The following LMTK3 variants were observed in gnomAD, a reference collection of about 807,000 sequenced individuals.
LMTK3 encodes the protein serine/threonine-protein kinase LMTK3.
In LMTK3, 27 loss-of-function variants were observed where a neutral mutation model predicts 116.7. That is an observed-to-expected ratio of 0.23 (90% confidence interval 0.17 to 0.32). The LOEUF (loss-of-function observed/expected upper bound fraction) is 0.32, where lower values mean the gene tolerates loss of function less well. Among genes scored for constraint, LMTK3 ranks in the 10% least tolerant of loss-of-function variants. The pLI is 1.00. For synonymous variants in LMTK3, 965 were observed against 971.0 expected, an observed-to-expected ratio of 0.99 and a Z score of 0.11; for missense variants, 1,764 against 2,068.5, an observed-to-expected ratio of 0.85 and a Z score of 2.86.
In LMTK3 at chr19:48,500,015, C is replaced by A; in HGVS notation, c.1152-98G>T. 1 of 1,230,968 alleles carries A rather than the reference C, an allele frequency of 8.1e-7. No individual in the cohort carries two copies. Among genetic ancestry groups the A allele is most frequent in the Non-Finnish European group, 1.1e-6 (1 of 903,442 alleles). 76.3% of individuals were successfully genotyped at this position (1,230,968 alleles called of 1,614,324 possible). ...CAACCAGAGAGAGGGGGACAGAGAC[C>A]CAGAGGGTAACAGAGACCCAGAGAG... On this transcript the variant is annotated intron_variant, in intron 10 of 14. Transcript: ENST00000600059. This position sits in a 1 kb window ranked among gnomAD's most constrained non-coding sequence, Gnocchi z 4.0.
Position 48,500,063 on chromosome 19 carries a change from A to C in LMTK3, c.1152-146T>G. ...GAGAGGGGGACAGAGACCCAGAGAG[A>C]GGGGGACAGAGACCCAGAGACAGAG... On this transcript the variant is annotated intron_variant, in intron 10 of 14. Coordinates refer to ENST00000600059, the MANE Select transcript of LMTK3 (RefSeq NM_001388485.1). This position sits in a 1 kb window ranked among gnomAD's most constrained non-coding sequence, Gnocchi z 4.0. 1 of 700,638 alleles carries C rather than the reference A, an allele frequency of 1.4e-6. No homozygotes were observed. The highest frequency in any genetic ancestry group is 2.0e-5 in the South Asian group (1 of 50,186). 43.4% of individuals were successfully genotyped at this position (700,638 alleles called of 1,614,324 possible).
intron 5 of LMTK3, among the ~76,000 whole-genome samples, chr19:48,505,124 T>TA: frequency 7.2e-6 from 1 of 138,936 alleles, no homozygotes; most frequent in Non-Finnish European, 1.6e-5. Context: ...TTTTTTTTTT[T>TA]TTTTTATGAG....
At chr19:48,486,551 G>A (rs1278307023) in intron 14 of LMTK3, among the ~76,000 whole-genome samples, 13 of 151,788 alleles carry the variant, frequency 8.6e-5, no homozygotes, top group African/African-American at 3.1e-4. Flanking sequence ...TTGCTGCTTT[G>A]TTTTGAGATG....
intron 14 of LMTK3, among the ~76,000 whole-genome samples, chr19:48,489,797 T>A (rs1320965406): frequency 6.6e-6 from 1 of 152,210 alleles, no homozygotes; most frequent in Non-Finnish European, 1.5e-5. Flanking sequence ...GGACAATATC[T>A]GGACTCAGGC....
chr19:48,504,840 G>A lies in LMTK3; in HGVS notation c.558-1844C>T. Among the ~76,000 whole-genome samples the A allele has an allele frequency of 2.0e-5, 3 of 151,814 alleles. 1 individual carries two copies. The East Asian group carries it at 5.8e-4, about 30-fold the overall frequency. Reference sequence around the variant, plus strand: ...TGGGATTACAGGCATGAGCCACCGTGCCCAGGCTTCACCCTGCATTCTAAA... The same window carrying A: ...TGGGATTACAGGCATGAGCCACCGTACCCAGGCTTCACCCTGCATTCTAAA... On this transcript the variant is annotated intron_variant, in intron 5 of 14. Transcript: ENST00000600059.
In LMTK3 at chr19:48,489,543, G is replaced by A. The variant is rs544910049; in HGVS notation, c.4366+1565C>T. The stretch of plus-strand genomic sequence containing the variant: ...AGCCGAGATCACACCATTGCACTTC[G>A]GCTTGGGCGACGAGCAAAACTCCGT... On this transcript the variant is annotated intron_variant, in intron 14 of 14. Coordinates refer to ENST00000600059, the MANE Select transcript of LMTK3 (RefSeq NM_001388485.1). Among the ~76,000 whole-genome samples the A allele has an allele frequency of 1.1e-4, 16 of 152,230 alleles. No homozygotes were observed. In the South Asian group the frequency reaches 2.5e-3, roughly 24 times the overall value.
At chr19:48,502,194 T>C (rs10409417) in intron 7 of LMTK3, among the ~76,000 whole-genome samples, 12,529 of 133,176 alleles carry the variant, frequency 0.094, 1,159 homozygotes, top group African/African-American at 0.23. Context: ...CTGACCCCTT[T>C]TCCTCTCCTG....
Position 48,497,558 on chromosome 19 carries a change from C to G in LMTK3, c.3511G>C (p.Glu1171Gln), listed in dbSNP as rs1972350901. The change falls in exon 11 of 15, where the codon GAG (glutamate) becomes CAG (glutamine). Residue 1171 changes from glutamate (E) to glutamine (Q), a missense_variant. Glu to Gln is a conservative substitution (Grantham distance 29, BLOSUM62 2). Transcript: ENST00000600059. The surrounding 1 kb of genome is among the most constrained non-coding windows in gnomAD (Gnocchi z 5.7). ...CCGGGCTCTCCCTCGGGGGCCACCT[C>G]CGGCCTGGCTCTCGGGGGCGCTGGC... ...LEPAPPRARP[E>Q]VAPEGEPGAP... 1 of 1,363,366 alleles carries G rather than the reference C, an allele frequency of 7.3e-7. No individual in the cohort carries two copies. Among genetic ancestry groups the G allele is most frequent in the East Asian group, 2.8e-5 (1 of 35,474 alleles). 84.5% of individuals were successfully genotyped at this position (1,363,366 alleles called of 1,614,324 possible).
intron 4 of LMTK3, 121 bp downstream of exon 4, chr19:48,509,316 G>T: frequency 1.2e-6 from 1 of 867,140 alleles, no homozygotes; most frequent in Non-Finnish European, 1.9e-6. Flanking sequence ...ATGGGAGGCT[G>T]AGGGGGCATG....
chr19:48,488,888 C>T (rs975244576), intron 14 of LMTK3, among the ~76,000 whole-genome samples: 7 of 152,196 alleles, frequency 4.6e-5, no homozygotes, highest in Non-Finnish European at 8.8e-5. Flanking sequence ...TACAGGCATG[C>T]GCCACCATAC....
In LMTK3 at chr19:48,502,531, G is replaced by C; in HGVS notation, c.696C>G (p.Ser232=). The change falls in exon 7 of 15, where the codon TCC becomes TCG. Residue 232 remains serine (S), a synonymous_variant. Coordinates refer to ENST00000600059, the MANE Select transcript of LMTK3 (RefSeq NM_001388485.1). ...GCAGGTCTCGAGGGGGTAGCTCAGG[G>C]GACAGGCCCTCGGGGGGCCGCTGGG... ...LRAQRPPEGL[S]PELPPRDLRT... The C allele has an allele frequency of 6.3e-7, 1 of 1,598,312 alleles. No individual in the cohort carries two copies. The highest frequency in any genetic ancestry group is 8.5e-7 in the Non-Finnish European group (1 of 1,173,418).
rs1362138360 is a variant in LMTK3 at position 48,494,366 on chromosome 19, C to G, written c.3677-257G>C. Among the ~76,000 whole-genome samples, 1 of 152,236 alleles carries G rather than the reference C, an allele frequency of 6.6e-6. No individual in the cohort carries two copies. Among genetic ancestry groups the G allele is most frequent in the African/African-American group, 2.4e-5 (1 of 41,460 alleles). ...AGCCCACCAGGCCCTCATGCCCTGG[C>G]CTACCTGATTTCTCTGGCCTCTGTC... On this transcript the variant is annotated intron_variant, in intron 11 of 14. Transcript: ENST00000600059. This position sits in a 1 kb window ranked among gnomAD's most constrained non-coding sequence, Gnocchi z 4.0.
At chr19:48,495,021 T>C (rs533057158) in intron 11 of LMTK3, among the ~76,000 whole-genome samples, 1 of 151,916 alleles carries the variant, frequency 6.6e-6, no homozygotes, top group Non-Finnish European at 1.5e-5. Context: ...TTTTGTTTTT[T>C]TTTTTGAAAT....
Position 48,493,703 on chromosome 19 carries a change from G to C in LMTK3, c.4083C>G (p.Leu1361=), listed in dbSNP as rs1200682282. ...CTCTCGGGTTCCGCACCTGGTCGAA[G>C]AGGTAGACGGTCACGTCCCCGTGGA... ...VSFHGDVTVY[L]FDQETPTNEL... The change falls in exon 12 of 15, where the codon CTC becomes CTG. Residue 1361 remains leucine, a synonymous_variant. Coordinates refer to ENST00000600059, the MANE Select transcript of LMTK3 (RefSeq NM_001388485.1). 6.4e-7 allele frequency: 1 copy of C among 1,572,974 alleles called. No individual in the cohort carries two copies. The highest frequency in any genetic ancestry group is 8.6e-7 in the Non-Finnish European group (1 of 1,160,830).
At chr19:48,512,674 C>T (rs1461653915), upstream of LMTK3, among the ~76,000 whole-genome samples, 1 of 152,076 alleles carries the variant, frequency 6.6e-6, no homozygotes, top group Non-Finnish European at 1.5e-5. Flanking sequence ...ATAATACATG[C>T]ATGTATACGG....
chr19:48,491,180 A>G lies in LMTK3; in HGVS notation c.4294T>C (p.Ser1432Pro). ...AGCGCAGGCGAGACGGAGAAGCGGG[A>G]GAAGCACAGCGGGGGGCCTGGAGGG... Reference protein sequence around the residue: ...LPPPGPPLCFSRFSVSPALET... With the variant: ...LPPPGPPLCFPRFSVSPALET... The change falls in exon 14 of 15, where the codon TCC becomes CCC. Residue 1432 changes from serine to proline, a missense_variant. Physicochemically the swap from Ser to Pro is moderately conservative, Grantham distance 74. This residue lies in a region of LMTK3 where 281 missense variants were observed against 301.4 expected (regional missense o/e 0.93). Coordinates refer to ENST00000600059, the MANE Select transcript of LMTK3 (RefSeq NM_001388485.1). The surrounding 1 kb of genome is among the most constrained non-coding windows in gnomAD (Gnocchi z 5.1). 1.5e-6 allele frequency: 2 copies of G among 1,354,980 alleles called. No individual in the cohort carries two copies. Among genetic ancestry groups the G allele is most frequent in the Non-Finnish European group, 1.9e-6 (2 of 1,051,708 alleles). The allele number at this position is 1,354,980 out of a possible 1,614,324, so 83.9% of individuals were successfully genotyped here.
intron 3 of LMTK3, 104 bp downstream of exon 3, chr19:48,509,919 G>T: frequency 7.7e-7 from 1 of 1,307,054 alleles, no homozygotes; most frequent in Non-Finnish European, 1.1e-6. Flanking sequence ...TTTCCCATTG[G>T]CTGCCGCTGG....
chr19:48,497,958 C>G lies in LMTK3; in HGVS notation c.3111G>C (p.Trp1037Cys), dbSNP rs372012351. The G allele has an allele frequency of 3.1e-6, 5 of 1,589,436 alleles. No individual in the cohort carries two copies. Among genetic ancestry groups the G allele is most frequent in the South Asian group, 1.1e-5 (1 of 88,298 alleles). The change falls in exon 11 of 15, where the codon TGG becomes TGC. Residue 1037 changes from tryptophan (W) to cysteine (C), a missense_variant. Physicochemically the swap from Trp to Cys is radical, Grantham distance 215. Around this residue, in one of 7 missense-constraint regions of LMTK3, gnomAD observed 1,028 missense variants for 1,050.6 expected, o/e 0.98. Coordinates refer to ENST00000600059, the MANE Select transcript of LMTK3 (RefSeq NM_001388485.1). The surrounding 1 kb of genome is among the most constrained non-coding windows in gnomAD (Gnocchi z 5.7). ...GCTCCCCGATCGTGGGGGCTGGACC[C>G]CAACTCTCGGGCGTCTTCTCCCAGG... ...PGPWEKTPES[W>C]GPAPTIGEPA...
intron 12 of LMTK3, 34 bp downstream of exon 12, chr19:48,493,660 C>T (rs905204628): frequency 1.3e-6 from 2 of 1,540,398 alleles, no homozygotes; most frequent in African/African-American, 1.4e-5. Context: ...CTCCAGGCCG[C>T]GACCCCGAAA....
Sources: gnomAD v4.1 joint callset for allele counts (sites outside exome capture counted in the v4.1 genomes callset) on GRCh38, gnomAD v4.1.1 for gene constraint, gnomAD v4.1.1 regional missense constraint, Gnocchi (gnomAD v3.1) non-coding constraint, MANE v1.5 for transcripts, NCBI Gene and HGNC (gene_info 2026-07-23, HGNC 2026-07-21) for gene names.